BBX: variants seen among roughly 807,000 people sequenced by gnomAD.
BBX encodes BBX high mobility group box domain containing.
In BBX, 30 loss-of-function variants were observed where a neutral mutation model predicts 100.2. That is an observed-to-expected ratio of 0.30 (90% CI 0.22 to 0.41). The LOEUF is 0.41. Among genes scored for constraint, BBX ranks in the 10% least tolerant of loss-of-function variants. BBX has a pLI of 1.00. For synonymous variants in BBX, 376 were observed against 388.1 expected (o/e 0.97, Z 0.37); for missense variants, 1,023 against 1,129.8 (o/e 0.91, Z 1.35).
At chr3:107,634,573 C>T (rs1034356713) in intron 2 of BBX, among the ~76,000 whole-genome samples, 1 of 152,076 alleles carries the variant, frequency 6.6e-6, no homozygotes, top group African/African-American at 2.4e-5. Context: ...TGAAGATTCC[C>T]CAAAATTTAT....
chr3:107,531,131 G>T (rs902708502), intron 2 of BBX, among the ~76,000 whole-genome samples: 7 of 152,192 alleles, frequency 4.6e-5, no homozygotes, highest in African/African-American at 1.7e-4. Flanking sequence ...CCTAAGATTG[G>T]ATGTTCTGAA....
intron 3 of BBX, among the ~76,000 whole-genome samples, chr3:107,679,315 T>C (rs575698953): frequency 2.6e-5 from 4 of 152,162 alleles, no homozygotes; most frequent in Non-Finnish European, 5.9e-5. Context: ...TAATTTTTAA[T>C]TTGTATGGAA....
At chr3:107,735,716 A>G (rs2063590269) in intron 7 of BBX, among the ~76,000 whole-genome samples, 1 of 152,070 alleles carries the variant, frequency 6.6e-6, no homozygotes, top group African/African-American at 2.4e-5. Context: ...TCCTAGATCT[A>G]CTGAAATGCA....
In BBX at chr3:107,797,364, A is replaced by ATATATATATATATATATG. The variant is rs71113691; in HGVS notation, c.2354-1159_2354-1158insTATATATATATATATATG. Among the ~76,000 whole-genome samples the ATATATATATATATATATG allele has an allele frequency of 2.3e-3, 252 of 109,812 alleles. 24 individuals are homozygous for ATATATATATATATATATG. Among genetic ancestry groups the ATATATATATATATATATG allele is most frequent in the South Asian group, 5.1e-3 (17 of 3,360 alleles). The allele number at this position is 109,812 out of a possible 152,430, so 72.0% of individuals were successfully genotyped here. A position where few individuals can be genotyped will look rare whatever the true frequency, so the allele number is the denominator to read the frequency against. ...TATATATATATATATATATATATAT[A>ATATATATATATATATATG]GCTTTATTGCCAATATCTACCTTCA... is the stretch of plus-strand genomic sequence containing the variant. On this transcript the variant is annotated intron_variant, in intron 15 of 17. Coordinates refer to ENST00000325805, the MANE Select transcript of BBX (RefSeq NM_001142568.3).
At chr3:107,676,637 A>G (rs1378293612) in intron 3 of BBX, among the ~76,000 whole-genome samples, 1 of 152,280 alleles carries the variant, frequency 6.6e-6, no homozygotes, top group East Asian at 1.9e-4. Flanking sequence ...TGTGTTATGC[A>G]GCCATTATAG....
At chr3:107,786,645 T>C (rs1559736641) in intron 13 of BBX, among the ~76,000 whole-genome samples, 1 of 152,130 alleles carries the variant, frequency 6.6e-6, no homozygotes, top group Non-Finnish European at 1.5e-5. Context: ...AAATTTAACT[T>C]AGAATAGATC....
intron 3 of BBX, among the ~76,000 whole-genome samples, chr3:107,685,098 A>C (rs1464403533): frequency 6.6e-6 from 1 of 152,206 alleles, no homozygotes. Flanking sequence ...TAATCTATAG[A>C]GAAACTAGAG....
intron 10 of BBX, among the ~76,000 whole-genome samples, chr3:107,769,941 AT>A (rs1219342715): frequency 6.6e-6 from 1 of 152,138 alleles, no homozygotes; most frequent in Non-Finnish European, 1.5e-5. Context: ...ATTCAGAGTT[AT>A]TTGATTTACA....
chr3:107,548,700 C>G (rs985190142), intron 2 of BBX, among the ~76,000 whole-genome samples: 1 of 152,062 alleles, frequency 6.6e-6, no homozygotes, highest in Non-Finnish European at 1.5e-5. Flanking sequence ...TATGTTCATT[C>G]CAGTGCTGTT....
chr3:107,702,929 G>A (rs1286108211), intron 3 of BBX, among the ~76,000 whole-genome samples: 1 of 152,122 alleles, frequency 6.6e-6, no homozygotes, highest in Non-Finnish European at 1.5e-5. Flanking sequence ...AGCAGGTCAG[G>A]CACCAGCCCA....
chr3:107,530,777 C>T (rs1260100164), intron 2 of BBX, among the ~76,000 whole-genome samples: 1 of 152,158 alleles, frequency 6.6e-6, no homozygotes, highest in Non-Finnish European at 1.5e-5. Context: ...AGAACTGAAA[C>T]AAGTTTCCTG....
chr3:107,545,036 A>T (rs1486592573), intron 2 of BBX, among the ~76,000 whole-genome samples: 1 of 152,036 alleles, frequency 6.6e-6, no homozygotes. Flanking sequence ...AAATTTTTTA[A>T]AAAGTAATAG....
chr3:107,683,796 TTCTA>T (rs947185027), intron 3 of BBX, among the ~76,000 whole-genome samples: 3 of 152,056 alleles, frequency 2.0e-5, no homozygotes, highest in Non-Finnish European at 4.4e-5. Context: ...ATTTTCCAGT[TTCTA>T]TCTATGTGTC....
intron 4 of BBX, among the ~76,000 whole-genome samples, chr3:107,713,967 CTTTTTTTTTTTT>C (rs569427270): frequency 2.4e-5 from 2 of 82,280 alleles, no homozygotes; most frequent in Admixed American, 1.5e-4. Flanking sequence ...TAATTTTTTT[CTTTTTTTTTTTT>C]TTTTTTTTTT....
At chr3:107,769,227 T>TAGATAGATAGAC (rs776680873) in intron 10 of BBX, among the ~76,000 whole-genome samples, 15 of 89,862 alleles carry the variant, frequency 1.7e-4, no homozygotes, top group Middle Eastern at 4.7e-3. Context: ...GATAGATAGA[T>TAGATAGATAGAC]AGACAGATAG....
chr3:107,567,804 G>T (rs1190263879), intron 2 of BBX, among the ~76,000 whole-genome samples: 1 of 151,916 alleles, frequency 6.6e-6, no homozygotes, highest in Non-Finnish European at 1.5e-5. Context: ...TGATTAAGTT[G>T]TCTTTGTTTT....
intron 3 of BBX, among the ~76,000 whole-genome samples, chr3:107,705,675 C>A (rs1261506398): frequency 6.6e-6 from 1 of 152,202 alleles, no homozygotes; most frequent in South Asian, 2.1e-4. Flanking sequence ...CTGTTAATCC[C>A]ATGCTTCCCA....
intron 6 of BBX, among the ~76,000 whole-genome samples, chr3:107,730,779 C>G (rs755644860): frequency 1.3e-5 from 2 of 152,152 alleles, no homozygotes; most frequent in Non-Finnish European, 2.9e-5. Flanking sequence ...AATCCATGTT[C>G]AGAACTCTTG....
At chr3:107,690,892 C>CTTTTTTTTTTTTTTT (rs66523709) in intron 3 of BBX, among the ~76,000 whole-genome samples, 1 of 41,190 alleles carries the variant, frequency 2.4e-5, no homozygotes, top group Non-Finnish European at 3.9e-5. Flanking sequence ...GCCCCCCCCC[C>CTTTTTTTTTTTTTTT]TTTTTTTTTT....
Sources: gnomAD v4.1 joint callset for allele counts (sites outside exome capture counted in the v4.1 genomes callset) on GRCh38, gnomAD v4.1.1 for gene constraint, MANE v1.5 for transcripts, NCBI Gene and HGNC (gene_info 2026-07-23, HGNC 2026-07-21) for gene names.